NUP210: variants seen among roughly 807,000 people sequenced by gnomAD.
NUP210 encodes nucleoporin 210, also known as nuclear pore membrane glycoprotein 210.
A neutral mutation model predicts 196.0 loss-of-function variants in NUP210; 151 were observed. The observed-to-expected ratio is 0.77, with a 90% CI of 0.67 to 0.88. The LOEUF is 0.88. NUP210 is among the 40% of genes least tolerant of loss of function. The pLI is 0.00. For synonymous variants in NUP210, 1,070 were observed against 1,052.7 expected (o/e 1.02, Z -0.32); for missense variants, 2,314 against 2,493.7 (o/e 0.93, Z 1.53).
rs1317722201 is a variant in NUP210 at position 13,347,706 on chromosome 3, T to C, written c.2835+4173A>G. ...AACTGGGGAGCGCTGGGGGCTTGTCTATCTCTGTGCTGCTGCTCTGCAGCT... is the reference window on the plus strand; with the variant it reads ...AACTGGGGAGCGCTGGGGGCTTGTCCATCTCTGTGCTGCTGCTCTGCAGCT... On this transcript the variant is annotated intron_variant, in intron 20 of 39. Transcript: ENST00000254508. The surrounding 1 kb of genome is among the most constrained non-coding windows in gnomAD (Gnocchi z 4.7). Among the ~76,000 whole-genome samples the C allele has an allele frequency of 6.6e-6, 1 of 152,212 alleles. No homozygotes were observed. The highest frequency in any genetic ancestry group is 1.5e-5 in the Non-Finnish European group (1 of 68,036).
intron 25 of NUP210, 115 bp downstream of exon 25, chr3:13,339,739 G>A: frequency 1.1e-6 from 1 of 949,708 alleles, no homozygotes; most frequent in Non-Finnish European, 1.6e-6. Flanking sequence ...TGCAGACCCA[G>A]GGGGCAGAAG....
intron 9 of NUP210, 36 bp from the exon 10 acceptor site, chr3:13,376,467 T>G (rs1271840833): frequency 6.2e-7 from 1 of 1,611,992 alleles, no homozygotes; most frequent in African/African-American, 1.3e-5. Context: ...GAGGTGCTTC[T>G]GGGGTGACTC....
At chr3:13,341,259 C>T (rs1009349590) in intron 23 of NUP210, 3 of 154,752 alleles carry the variant, frequency 1.9e-5, no homozygotes, top group African/African-American at 7.2e-5. Context: ...GACCTCAAAG[C>T]TCCCTTCATC....
Position 13,375,554 on chromosome 3 carries a change from A to T in NUP210, c.1381T>A (p.Leu461Met). 1 of 1,614,136 alleles carries T rather than the reference A, an allele frequency of 6.2e-7. No homozygotes were observed. The highest frequency in any genetic ancestry group is 8.5e-7 in the Non-Finnish European group (1 of 1,180,024). The change falls in exon 11 of 40, where the codon TTG becomes ATG. Residue 461 changes from leucine to methionine, a missense_variant. Transcript: ENST00000254508. The stretch of plus-strand genomic sequence containing the variant: ...GTCTTTGGTTGCCACGGAAATGTCA[A>T]GATGCTGGGATACAGGGTGATCGGG... ...HIPITLYPSI[L>M]TFPWQPKTGA... is the part of the protein sequence containing the mutation.
intron 30 of NUP210, among the ~76,000 whole-genome samples, chr3:13,329,385 G>A (rs1441794412): frequency 6.6e-6 from 1 of 152,232 alleles, no homozygotes; most frequent in East Asian, 1.9e-4. Context: ...GAGGGAAATG[G>A]GGATTTCTGG....
rs569286282 is a variant in NUP210, at chr3:13,352,638, T to C, written c.2629-454A>G. Among the ~76,000 whole-genome samples, 91 of 152,284 alleles carry C rather than the reference T, an allele frequency of 6.0e-4. No individual in the cohort carries two copies. The South Asian group carries it at 0.018, about 31-fold the overall frequency. On this transcript the variant is annotated intron_variant, in intron 18 of 39. Coordinates refer to ENST00000254508, the MANE Select transcript of NUP210 (RefSeq NM_024923.4). ...TAGGGTGGCACATGACCCACTGAGC[T>C]CTGCTTCCCACCATGTGTCACACAA...
At position 13,348,373 on chromosome 3, in the gene NUP210, C is replaced by T; in HGVS notation, c.2835+3506G>A. On this transcript the variant is annotated intron_variant, in intron 20 of 39. Transcript: ENST00000254508. This position sits in a 1 kb window ranked among gnomAD's most constrained non-coding sequence, Gnocchi z 4.0. ...TGGAGTAAAGGTCTCCCTCTGGTCA[C>T]AAGTCCACCCTCAGAGCTTGCACAG... The T allele has an allele frequency of 7.1e-6, 7 of 985,396 alleles. No individual in the cohort carries two copies. The highest frequency in any genetic ancestry group is 8.4e-6 in the Non-Finnish European group (7 of 829,920). The allele number at this position is 985,396 out of a possible 1,614,324, so 61.0% of individuals were successfully genotyped here. A position where few individuals can be genotyped will look rare whatever the true frequency, so the allele number is the denominator to read the frequency against.
intron 3 of NUP210, among the ~76,000 whole-genome samples, chr3:13,394,957 T>C (rs1197306212): frequency 6.6e-6 from 1 of 152,200 alleles, no homozygotes; most frequent in Non-Finnish European, 1.5e-5. Flanking sequence ...GAAAGCATGA[T>C]GCCCTCACAG....
At chr3:13,387,484 T>C (rs1447146654) in intron 5 of NUP210, among the ~76,000 whole-genome samples, 1 of 152,230 alleles carries the variant, frequency 6.6e-6, no homozygotes, top group Non-Finnish European at 1.5e-5. Flanking sequence ...GATTAGCCCC[T>C]ATAACAGGGC....
intron 4 of NUP210, 87 bp downstream of exon 4, chr3:13,391,124 G>A: frequency 1.1e-6 from 1 of 899,888 alleles, no homozygotes. Context: ...TGACCCAGAT[G>A]AAAGCCCCCC....
At chr3:13,407,035 C>T (rs556725868) in intron 1 of NUP210, among the ~76,000 whole-genome samples, 57 of 152,180 alleles carry the variant, frequency 3.7e-4, no homozygotes, top group Middle Eastern at 3.2e-3. Context: ...TCACCAGCTG[C>T]GTGATCTTGA....
chr3:13,365,153 G>T (rs938334575), intron 14 of NUP210, among the ~76,000 whole-genome samples: 1 of 152,156 alleles, frequency 6.6e-6, no homozygotes, highest in Non-Finnish European at 1.5e-5. Flanking sequence ...GGCAGCCCTC[G>T]CACGGAGCCT....
chr3:13,322,154 G>C (rs754927731), intron 35 of NUP210, 39 bp downstream of exon 35: 2 of 1,610,530 alleles, frequency 1.2e-6, no homozygotes, highest in East Asian at 4.5e-5. Flanking sequence ...GACAGAGACT[G>C]TCTCCAAGTC....
intron 14 of NUP210, among the ~76,000 whole-genome samples, chr3:13,360,840 GA>G (rs1392705492): frequency 6.6e-6 from 1 of 152,186 alleles, no homozygotes; most frequent in African/African-American, 2.4e-5. Flanking sequence ...ACAATGGAGA[GA>G]AACATGTCAA....
At chr3:13,331,526 G>A (rs1696995961) in intron 29 of NUP210, among the ~76,000 whole-genome samples, 1 of 152,104 alleles carries the variant, frequency 6.6e-6, no homozygotes, top group South Asian at 2.1e-4. Context: ...AATCCCCATG[G>A]ACAGCACCCT....
intron 1 of NUP210, among the ~76,000 whole-genome samples, chr3:13,401,489 G>A (rs1199817859): frequency 6.6e-6 from 1 of 151,362 alleles, no homozygotes; most frequent in African/African-American, 2.4e-5. Flanking sequence ...CATCAGTGAA[G>A]GAAAGCAATC....
chr3:13,384,515 G>A (rs144474651), intron 6 of NUP210, among the ~76,000 whole-genome samples: 1 of 152,316 alleles, frequency 6.6e-6, no homozygotes, highest in East Asian at 1.9e-4. Context: ...CAGGAGGATG[G>A]CTTGAGGCCA....
At chr3:13,359,202 A>G (rs894151684) in intron 15 of NUP210, among the ~76,000 whole-genome samples, 2 of 152,210 alleles carry the variant, frequency 1.3e-5, no homozygotes, top group Non-Finnish European at 2.9e-5. Flanking sequence ...GGAGCCACAG[A>G]GCAATGGATT....
intron 3 of NUP210, 51 bp from the exon 4 acceptor site, chr3:13,391,358 G>A: frequency 8.0e-7 from 1 of 1,253,860 alleles, no homozygotes; most frequent in South Asian, 1.3e-5. Flanking sequence ...ATTTCCCAGG[G>A]TGGAGGGAGG....
Sources: allele counts gnomAD v4.1 joint callset (sites outside exome capture counted in the v4.1 genomes callset), GRCh38; gene constraint gnomAD v4.1.1; non-coding constraint Gnocchi (gnomAD v3.1); transcripts MANE v1.5; gene names NCBI Gene and HGNC (gene_info 2026-07-23, HGNC 2026-07-21).